Variants in GLT8D2 observed in about 807,000 individuals in gnomAD.
GLT8D2 encodes the protein glycosyltransferase 8 domain-containing protein 2.
In GLT8D2, 45 loss-of-function variants were observed where a neutral mutation model predicts 44.5. The observed-to-expected ratio is 1.01, with a 90% confidence interval of 0.80 to 1.30. GLT8D2 has a LOEUF of 1.30. GLT8D2 is among the 50% of genes most tolerant of loss of function. GLT8D2 has a pLI of 0.00. For synonymous variants in GLT8D2, 156 were observed against 157.2 expected (o/e 0.99, Z 0.06); for missense variants, 400 against 430.4 (o/e 0.93, Z 0.62).
intron 10 of GLT8D2, among the ~76,000 whole-genome samples, chr12:103,990,542 T>C (rs2136256359): frequency 6.6e-6 from 1 of 152,318 alleles, no homozygotes; most frequent in East Asian, 1.9e-4. Flanking sequence ...AGTGTTCGAC[T>C]TTCTTTCCAT....
chr12:104,034,600 C>A (rs1408546619), intron 1 of GLT8D2, among the ~76,000 whole-genome samples: 1 of 152,266 alleles, frequency 6.6e-6, no homozygotes, highest in East Asian at 1.9e-4. Flanking sequence ...GGGCGTCCAC[C>A]ATTGCTGAGG....
chr12:104,057,350 G>A (rs1475135145), intron 1 of GLT8D2, among the ~76,000 whole-genome samples: 4 of 151,426 alleles, frequency 2.6e-5, no homozygotes, highest in Admixed American at 6.6e-5. Flanking sequence ...GGGAGACCCC[G>A]TCTCTACAAA....
At chr12:104,008,349 GC>G (rs1455305747) in intron 4 of GLT8D2, among the ~76,000 whole-genome samples, 1 of 152,148 alleles carries the variant, frequency 6.6e-6, no homozygotes, top group East Asian at 1.9e-4. Flanking sequence ...TTATGTTTTA[GC>G]AAAAAGACCA....
intron 1 of GLT8D2, among the ~76,000 whole-genome samples, chr12:104,044,016 C>T (rs1426323542): frequency 2.6e-5 from 4 of 152,152 alleles, no homozygotes; most frequent in Admixed American, 2.0e-4. Context: ...AAATAGGAGT[C>T]GCATTGTGCT....
At chr12:104,039,981 T>A (rs1383291941) in intron 1 of GLT8D2, among the ~76,000 whole-genome samples, 1 of 152,178 alleles carries the variant, frequency 6.6e-6, no homozygotes. Flanking sequence ...AAAGGTGAGC[T>A]CACATCCTTT....
chr12:104,039,151 G>A (rs1251951876), intron 1 of GLT8D2, among the ~76,000 whole-genome samples: 6 of 151,930 alleles, frequency 3.9e-5, no homozygotes, highest in Admixed American at 3.9e-4. Context: ...AATTCAAGAT[G>A]GATTAAAGAC....
At chr12:103,997,754 T>G (rs1246699294) in intron 6 of GLT8D2, among the ~76,000 whole-genome samples, 1 of 152,164 alleles carries the variant, frequency 6.6e-6, no homozygotes, top group Non-Finnish European at 1.5e-5. Flanking sequence ...GCCGTTCTCC[T>G]AGATACAAAC....
At chr12:104,000,302 C>T (rs1593531686) in intron 5 of GLT8D2, among the ~76,000 whole-genome samples, 1 of 152,114 alleles carries the variant, frequency 6.6e-6, no homozygotes, top group South Asian at 2.1e-4. Flanking sequence ...CACTTACTTC[C>T]AAATGGTTAC....
At chr12:104,027,934 T>C (rs1878779889) in intron 1 of GLT8D2, among the ~76,000 whole-genome samples, 1 of 152,218 alleles carries the variant, frequency 6.6e-6, no homozygotes, top group Non-Finnish European at 1.5e-5. Flanking sequence ...CGTGTGTTGA[T>C]GAAGCTTTAC....
intron 1 of GLT8D2, among the ~76,000 whole-genome samples, chr12:104,057,764 C>T (rs560456278): frequency 6.6e-6 from 1 of 152,296 alleles, no homozygotes; most frequent in East Asian, 1.9e-4. Flanking sequence ...TGTTATCATG[C>T]AAAGTGAAGA....
At chr12:104,000,456 G>A (rs948561418) in intron 5 of GLT8D2, among the ~76,000 whole-genome samples, 2 of 152,170 alleles carry the variant, frequency 1.3e-5, no homozygotes, top group Non-Finnish European at 1.5e-5. Context: ...GATGTTACAT[G>A]AGTGTGTTTA....
chr12:103,989,425 G>C lies in GLT8D2; in HGVS notation c.1033C>G (p.Leu345Val). Residue 345 changes from leucine to valine, a missense_variant, in exon 11 of 11, where the codon CTC becomes GTC. By Grantham distance (32) the Leu-to-Val change is conservative (BLOSUM62 1). Transcript: ENST00000360814. ...GAGTTATATCAGCTATGGTGATTGA[G>C]TTTAAATATCCCTGCAGGGTCAGGA... ...FVPDPAGIFK[L>V]NHHS is the part of the protein sequence containing the mutation. The C allele has an allele frequency of 6.2e-7, 1 of 1,610,792 alleles. No individual in the cohort carries two copies.
intron 6 of GLT8D2, among the ~76,000 whole-genome samples, chr12:103,998,864 T>G (rs1379670009): frequency 6.6e-6 from 1 of 152,192 alleles, no homozygotes; most frequent in Non-Finnish European, 1.5e-5. Flanking sequence ...CCACTTTTTA[T>G]GCAGGAGAGG....
At chr12:104,057,284 C>T (rs552319422) in intron 1 of GLT8D2, among the ~76,000 whole-genome samples, 1 of 152,264 alleles carries the variant, frequency 6.6e-6, no homozygotes, top group African/African-American at 2.4e-5. Flanking sequence ...GTAATCCCAG[C>T]ACTTTGGAAG....
chr12:104,062,168 G>A (rs1349148573), intron 1 of GLT8D2, among the ~76,000 whole-genome samples: 2 of 151,720 alleles, frequency 1.3e-5, no homozygotes, highest in African/African-American at 4.8e-5. Flanking sequence ...CTGCCTCCCA[G>A]GTTCAAGTGA....
intron 1 of GLT8D2, among the ~76,000 whole-genome samples, chr12:104,032,795 G>T (rs1879459790): frequency 6.6e-6 from 1 of 151,302 alleles, no homozygotes; most frequent in Non-Finnish European, 1.5e-5. Flanking sequence ...ATATGATGCA[G>T]CTATCCTACT....
intron 4 of GLT8D2, among the ~76,000 whole-genome samples, chr12:104,013,032 A>T (rs116609679): frequency 0.038 from 5,733 of 152,292 alleles, 187 homozygotes; most frequent in South Asian, 0.096. Context: ...TGGTCTAGCC[A>T]CCTAGTCTGT....
At chr12:104,045,892 T>TAAGAAAGAAAGA (rs34932758) in intron 1 of GLT8D2, among the ~76,000 whole-genome samples, 6,703 of 111,984 alleles carry the variant, frequency 0.06, 243 homozygotes, top group East Asian at 0.11. Context: ...AAAAGAAAGA[T>TAAGAAAGAAAGA]AAGAAAGAAA....
In GLT8D2 at chr12:104,031,551, C is replaced by T. The variant is rs186803943; in HGVS notation, c.-163-10060G>A. ...GGCAAGGCCAAGAAGTGAAGGCCGG[C>T]GGGGAAGATACTGTCCCCAGGAGCA... On this transcript the variant is annotated intron_variant, in intron 1 of 10. Transcript: ENST00000360814. 3,613 of 1,611,164 alleles carry T rather than the reference C, an allele frequency of 2.2e-3. 6 individuals carry two copies. Among genetic ancestry groups the T allele is most frequent in the Non-Finnish European group, 2.8e-3 (3,284 of 1,179,780 alleles).
Sources: gnomAD v4.1 joint callset for allele counts (sites outside exome capture counted in the v4.1 genomes callset) on GRCh38, gnomAD v4.1.1 for gene constraint, MANE v1.5 for transcripts, NCBI Gene and HGNC (gene_info 2026-07-23, HGNC 2026-07-21) for gene names.